Variants in CAMK4 observed in about 807,000 individuals in gnomAD.
CAMK4 encodes calcium/calmodulin dependent protein kinase IV.
Under a neutral mutation model 44.9 loss-of-function variants are expected in CAMK4, and 22 were observed. The observed-to-expected ratio is 0.49, with a 90% CI of 0.35 to 0.70. CAMK4 has a LOEUF of 0.70. Among genes scored for constraint, CAMK4 ranks in the 30% least tolerant of loss-of-function variants. The pLI is 0.01. For missense variants in CAMK4, 498 were observed against 586.8 expected, an observed-to-expected ratio of 0.85 and a Z score of 1.56; for synonymous variants, 218 against 215.4, an observed-to-expected ratio of 1.01 and a Z score of -0.11.
At chr5:111,275,627 A>G (rs775683470) in intron 1 of CAMK4, among the ~76,000 whole-genome samples, 2 of 152,114 alleles carry the variant, frequency 1.3e-5, no homozygotes, top group Non-Finnish European at 2.9e-5. Context: ...TTGGGAGTAA[A>G]GCATTTTCGG....
chr5:111,352,396 G>A (rs1488315853), intron 2 of CAMK4, among the ~76,000 whole-genome samples: 1 of 152,000 alleles, frequency 6.6e-6, no homozygotes, highest in East Asian at 1.9e-4. Context: ...ATACTTCTTA[G>A]AAAACATTAA....
rs76864043 is a variant in CAMK4, at chr5:111,485,763, G to A, written c.*1297G>A. Reference sequence around the variant, plus strand: ...TTTCAAATCAGACTCTTAAAAAGCTGGAACATTAGACCTGATATTTTATTA... The same window carrying A: ...TTTCAAATCAGACTCTTAAAAAGCTAGAACATTAGACCTGATATTTTATTA... On this transcript the variant is annotated 3_prime_UTR_variant, in exon 11 of 11. Transcript: ENST00000282356. The A allele has an allele frequency of 2.0e-5, 3 of 152,046 alleles. No homozygotes were observed. In the East Asian group the frequency reaches 5.8e-4, roughly 29 times the overall value. 9.4% of individuals were successfully genotyped at this position (152,046 alleles called of 1,614,324 possible).
At chr5:111,302,337 G>C (rs970979303) in intron 1 of CAMK4, 5 of 150,372 alleles carry the variant, frequency 3.3e-5, no homozygotes, top group African/African-American at 1.2e-4. Context: ...GAGGTACCGG[G>C]TTCATCTCAC....
chr5:111,436,875 C>T (rs548498000), intron 5 of CAMK4, among the ~76,000 whole-genome samples: 12 of 152,264 alleles, frequency 7.9e-5, no homozygotes, highest in Non-Finnish European at 1.2e-4. Flanking sequence ...CCTGAGGCAA[C>T]GCTGTATTGA....
At chr5:111,445,665 C>T (rs372026200) in intron 5 of CAMK4, among the ~76,000 whole-genome samples, 8 of 152,128 alleles carry the variant, frequency 5.3e-5, no homozygotes, top group Non-Finnish European at 7.4e-5. Flanking sequence ...TGGACTCAAA[C>T]GATCCTTCCA....
At chr5:111,414,147 C>T (rs561269321) in intron 5 of CAMK4, among the ~76,000 whole-genome samples, 2 of 152,066 alleles carry the variant, frequency 1.3e-5, no homozygotes, top group Non-Finnish European at 2.9e-5. Flanking sequence ...TATTCAGGAC[C>T]AGGGATAATT....
intron 1 of CAMK4, among the ~76,000 whole-genome samples, chr5:111,273,777 A>T (rs555492752): frequency 6.8e-6 from 1 of 147,058 alleles, no homozygotes; most frequent in African/African-American, 2.5e-5. Flanking sequence ...ACATATATAC[A>T]CACACATACA....
At chr5:111,262,364 C>T (rs998777045) in intron 1 of CAMK4, among the ~76,000 whole-genome samples, 13 of 152,014 alleles carry the variant, frequency 8.6e-5, no homozygotes, top group African/African-American at 3.1e-4. Flanking sequence ...AAGTTAGGCT[C>T]CCACTCTCCT....
intron 1 of CAMK4, among the ~76,000 whole-genome samples, chr5:111,282,719 A>G (rs565293360): frequency 1.3e-5 from 2 of 152,318 alleles, no homozygotes; most frequent in South Asian, 2.1e-4. Flanking sequence ...TTTTTCAACA[A>G]TATGTTTGTA....
intron 3 of CAMK4, 110 bp from the exon 4 acceptor site, chr5:111,376,750 G>A: frequency 3.7e-6 from 2 of 547,476 alleles, no homozygotes; most frequent in South Asian, 6.8e-5. Context: ...TATTAACAGT[G>A]ATCCAACATA....
In CAMK4 at chr5:111,323,191, G is replaced by C. The variant is rs142944638; in HGVS notation, c.162-20833G>C. Among the ~76,000 whole-genome samples, 6 of 152,152 alleles carry C rather than the reference G, an allele frequency of 3.9e-5. No individual in the cohort carries two copies. The East Asian group carries it at 1.2e-3, about 30-fold the overall frequency. On this transcript the variant is annotated intron_variant, in intron 1 of 10. Coordinates refer to ENST00000282356, the MANE Select transcript of CAMK4 (RefSeq NM_001744.6). ...GTAAATGCAAAGAGAACCAAAGGTA[G>C]GCATATCCTCAAAAGCCAGAAACCA... is the stretch of plus-strand genomic sequence containing the variant.
chr5:111,303,764 G>A (rs1747835201), intron 1 of CAMK4, among the ~76,000 whole-genome samples: 2 of 147,908 alleles, frequency 1.4e-5, no homozygotes, highest in Admixed American at 6.7e-5. Context: ...GATACTCCTC[G>A]AGAAGAGCAA....
chr5:111,362,928 A>C (rs1353856834), intron 2 of CAMK4, among the ~76,000 whole-genome samples: 2 of 152,084 alleles, frequency 1.3e-5, no homozygotes, highest in Non-Finnish European at 2.9e-5. Context: ...ATCATTTTCT[A>C]ATCTCTATCA....
intron 2 of CAMK4, among the ~76,000 whole-genome samples, chr5:111,350,621 C>T (rs7724631): frequency 0.044 from 6,620 of 151,800 alleles, 498 homozygotes; most frequent in African/African-American, 0.15. Context: ...CCTAGATCTA[C>T]AATAGAAAAA....
intron 1 of CAMK4, among the ~76,000 whole-genome samples, chr5:111,323,470 C>T (rs186436855): frequency 3.1e-4 from 47 of 151,840 alleles, no homozygotes; most frequent in African/African-American, 1.0e-3. Flanking sequence ...ATGATATTTT[C>T]GATATACAGT....
In CAMK4 at chr5:111,452,994, GA is replaced by G. The variant is rs1754288573; in HGVS notation, c.625+3794del. On this transcript the variant is annotated intron_variant, in intron 7 of 10. Transcript: ENST00000282356. ...TTTTGGCTCTAAAGTGCTAAACATA[GA>G]AATGTAATTACTATTATATAGGCGG... is the stretch of plus-strand genomic sequence containing the variant. 2.0e-5 allele frequency among the ~76,000 whole-genome samples: 3 copies of G among 152,304 alleles called. No homozygotes were observed. In the South Asian group the frequency reaches 6.2e-4, roughly 32 times the overall value.
At chr5:111,465,074 A>G (rs897557362) in intron 7 of CAMK4, among the ~76,000 whole-genome samples, 23 of 152,080 alleles carry the variant, frequency 1.5e-4, no homozygotes, top group African/African-American at 5.6e-4. Flanking sequence ...TCCATTCACA[A>G]TTCCTAATTC....
At chr5:111,303,243 G>C (rs918459370) in intron 1 of CAMK4, among the ~76,000 whole-genome samples, 2 of 132,118 alleles carry the variant, frequency 1.5e-5, no homozygotes, top group Non-Finnish European at 3.1e-5. Flanking sequence ...AAGCTGGATG[G>C]AGAATGATTT....
intron 7 of CAMK4, among the ~76,000 whole-genome samples, chr5:111,472,931 G>A (rs1463715696): frequency 6.6e-6 from 1 of 152,176 alleles, no homozygotes; most frequent in East Asian, 1.9e-4. Context: ...AAGGCAGCAT[G>A]CTTGTGACTT....
Sources: gnomAD v4.1 joint callset for allele counts (sites outside exome capture counted in the v4.1 genomes callset) on GRCh38, gnomAD v4.1.1 for gene constraint, MANE v1.5 for transcripts, NCBI Gene and HGNC (gene_info 2026-07-23, HGNC 2026-07-21) for gene names.